The following ZFHX2 variants were observed in gnomAD, a reference collection of about 807,000 sequenced individuals.
The protein encoded by ZFHX2 is zinc finger homeobox 2.
A neutral mutation model predicts 164.8 loss-of-function variants in ZFHX2; 75 were observed. That is an observed-to-expected ratio of 0.46 (90% CI 0.38 to 0.55). The LOEUF is 0.55. Ranked by LOEUF, ZFHX2 falls within the 20% of genes least tolerant of loss-of-function variation. The pLI is 0.00. For missense variants in ZFHX2, 2,933 were observed against 3,308.0 expected (o/e 0.89, Z 2.78); for synonymous variants, 1,217 against 1,351.4 (o/e 0.90, Z 2.18).
At position 23,532,782 on chromosome 14, in the gene ZFHX2, G is replaced by C; in HGVS notation, c.2344C>G (p.His782Asp). 1 of 1,536,406 alleles carries C rather than the reference G, an allele frequency of 6.5e-7. No homozygotes were observed. Among genetic ancestry groups the C allele is most frequent in the East Asian group, 2.4e-5 (1 of 40,926 alleles). ...NFQLHLKTDKHAQKYQLAAHL... is the reference protein window; with the variant it reads ...NFQLHLKTDKDAQKYQLAAHL... ...GCTGCCAGCTGGTACTTCTGAGCAT[G>C]TTTGTCAGTCTTGAGGTGGAGTTGG... The change falls in exon 3 of 10, where the codon CAT becomes GAT. Residue 782 changes from histidine to aspartate, a missense_variant. Transcript: ENST00000419474.
intron 5 of ZFHX2, 37 bp from the exon 6 acceptor site, chr14:23,529,805 C>G: frequency 6.5e-7 from 1 of 1,528,000 alleles, no homozygotes; most frequent in Non-Finnish European, 8.8e-7. Flanking sequence ...GGAACCCTGA[C>G]AGCCCTCAAG....
In ZFHX2 at chr14:23,525,923, A is replaced by G. The variant is rs1436926300; in HGVS notation, c.4019T>C (p.Phe1340Ser). The G allele has an allele frequency of 2.0e-6, 3 of 1,473,972 alleles. No individual in the cohort carries two copies. 91.3% of individuals were successfully genotyped at this position (1,473,972 alleles called of 1,614,324 possible). Residue 1340 changes from phenylalanine (F) to serine (S), a missense_variant, in exon 9 of 10, where the codon TTC (phenylalanine) becomes TCC (serine). By Grantham distance (155) the Phe-to-Ser change is radical. Coordinates refer to ENST00000419474, the MANE Select transcript of ZFHX2 (RefSeq NM_033400.3). This position sits in a 1 kb window ranked among gnomAD's most constrained non-coding sequence, Gnocchi z 5.9. Reference protein sequence around the residue: ...LDLHRFPAPLFTPPVLPPFPL... With the variant: ...LDLHRFPAPLSTPPVLPPFPL... ...GAAGGGGGGCAGGACTGGTGGGGTGAAGAGAGGGGCTGGGAATCGGTGCAG... is the reference window on the plus strand; with the variant it reads ...GAAGGGGGGCAGGACTGGTGGGGTGGAGAGAGGGGCTGGGAATCGGTGCAG...
In ZFHX2 at chr14:23,520,925, C is replaced by T. The variant is rs181413959; in HGVS notation, c.*1037G>A. The T allele has an allele frequency of 6.7e-6, 1 of 149,132 alleles. No homozygotes were observed. The highest frequency in any genetic ancestry group is 6.6e-5 in the Admixed American group (1 of 15,040). 9.2% of individuals were successfully genotyped at this position (149,132 alleles called of 1,614,324 possible). A position where few individuals can be genotyped will look rare whatever the true frequency, so the allele number is the denominator to read the frequency against. ...AGTTTACGTTTTTCTTTAGTTCATT[C>T]CTCTGGTGTCCGTTTCTCTCTTTTG... On this transcript the variant is annotated 3_prime_UTR_variant, in exon 10 of 10. Coordinates refer to ENST00000419474, the MANE Select transcript of ZFHX2 (RefSeq NM_033400.3). This position sits in a 1 kb window ranked among gnomAD's most constrained non-coding sequence, Gnocchi z 8.7.
chr14:23,541,196 G>A (rs1939962368), intron 1 of ZFHX2, among the ~76,000 whole-genome samples: 2 of 150,584 alleles, frequency 1.3e-5, no homozygotes, highest in African/African-American at 4.9e-5. Context: ...GTGAGCCACT[G>A]CGCCCGGCCT....
At chr14:23,543,373 A>G (rs1349679020) in intron 1 of ZFHX2, 4 of 152,382 alleles carry the variant, frequency 2.6e-5, no homozygotes, top group South Asian at 2.1e-4. Flanking sequence ...GCCTGATGTC[A>G]GTACCTCTGC....
chr14:23,527,845 G>T (rs1425172938), intron 6 of ZFHX2, 41 bp from the exon 7 acceptor site: 2 of 1,513,852 alleles, frequency 1.3e-6, no homozygotes, highest in South Asian at 2.4e-5. Context: ...TGTCAGGGAA[G>T]GATGGGACCC....
chr14:23,530,276 G>T, intron 4 of ZFHX2, 82 bp from the exon 5 acceptor site: 1 of 1,101,260 alleles, frequency 9.1e-7, no homozygotes, highest in South Asian at 1.3e-5. Flanking sequence ...AGCAGGACAA[G>T]CAGCCAGTCA....
At chr14:23,527,841 G>C (rs771800356) in intron 6 of ZFHX2, 37 bp from the exon 7 acceptor site, 242 of 1,527,276 alleles carry the variant, frequency 1.6e-4, no homozygotes, top group Non-Finnish European at 2.1e-4. Flanking sequence ...GAAGTGTCAG[G>C]GAAGGATGGG....
At chr14:23,538,562 A>T (rs1252026061) in intron 1 of ZFHX2, among the ~76,000 whole-genome samples, 1 of 151,934 alleles carries the variant, frequency 6.6e-6, no homozygotes, top group East Asian at 1.9e-4. Context: ...CACCCCCAAG[A>T]CCAAGATTCT....
At position 23,521,895 on chromosome 14, in the gene ZFHX2, C is replaced by T. The variant is rs894002884; in HGVS notation, c.*67G>A. 113 of 1,521,576 alleles carry T rather than the reference C, an allele frequency of 7.4e-5. No individual in the cohort carries two copies. The highest frequency in any genetic ancestry group is 9.7e-5 in the Non-Finnish European group (111 of 1,140,344). 94.3% of individuals were successfully genotyped at this position (1,521,576 alleles called of 1,614,324 possible). A position where few individuals can be genotyped will look rare whatever the true frequency, so the allele number is the denominator to read the frequency against. Reference sequence around the variant, plus strand: ...TGGGGTGAGGGATTTGAGCTCCCACCGAACACCCCTTGGGGTAAAAGAGGG... The same window carrying T: ...TGGGGTGAGGGATTTGAGCTCCCACTGAACACCCCTTGGGGTAAAAGAGGG... On this transcript the variant is annotated 3_prime_UTR_variant, in exon 10 of 10. Transcript: ENST00000419474.
chr14:23,523,725 T>C lies in ZFHX2; in HGVS notation c.6217A>G (p.Ser2073Gly), dbSNP rs1878341775. The C allele has an allele frequency of 2.6e-6, 4 of 1,536,358 alleles. No individual in the cohort carries two copies. The highest frequency in any genetic ancestry group is 3.5e-6 in the Non-Finnish European group (4 of 1,146,954). Reference protein sequence around the residue: ...MGQRRYRTQMSSLQLKIMKAC... With the variant: ...MGQRRYRTQMGSLQLKIMKAC... ...TTCATGATCTTCAGCTGCAGGCTGC[T>C]CATCTGGGTCCTGTAGCGCCGCTGC... The change falls in exon 9 of 10, where the codon AGC becomes GGC. Residue 2073 changes from serine to glycine, a missense_variant. Coordinates refer to ENST00000419474, the MANE Select transcript of ZFHX2 (RefSeq NM_033400.3). The surrounding 1 kb of genome is among the most constrained non-coding windows in gnomAD (Gnocchi z 4.1).
chr14:23,554,918 A>G (rs1012912760), upstream of ZFHX2, among the ~76,000 whole-genome samples: 16 of 152,264 alleles, frequency 1.1e-4, no homozygotes, highest in Middle Eastern at 6.8e-3. Context: ...AGAGGGAGTA[A>G]GAAGGAATCA....
At chr14:23,553,280 G>A (rs1882106080), upstream of ZFHX2, among the ~76,000 whole-genome samples, 1 of 152,168 alleles carries the variant, frequency 6.6e-6, no homozygotes, top group Admixed American at 6.5e-5. Flanking sequence ...AGGTAACTGT[G>A]AGGCAGGCCA....
At position 23,526,875 on chromosome 14, in the gene ZFHX2, C is replaced by T. The variant is rs1207219022; in HGVS notation, c.3234G>A (p.Glu1078=). ...NGQEPPTHGP[E]PTPSRDQAAE... Reference sequence around the variant, plus strand: ...CTGCCTGGTCTCTGCTCGGTGTAGGCTCTGGCCCATGAGTGGGGGGTTCTT... The same window carrying T: ...CTGCCTGGTCTCTGCTCGGTGTAGGTTCTGGCCCATGAGTGGGGGGTTCTT... Residue 1078 remains glutamate (E), a synonymous_variant, in exon 8 of 10, where the codon GAG becomes GAA. Coordinates refer to ENST00000419474, the MANE Select transcript of ZFHX2 (RefSeq NM_033400.3). 3.3e-6 allele frequency: 5 copies of T among 1,533,986 alleles called. No individual in the cohort carries two copies. The Admixed American group carries it at 7.9e-5, about 24-fold the overall frequency.
Position 23,535,901 on chromosome 14 carries a change from T to C in ZFHX2, c.-49-527A>G, listed in dbSNP as rs754878967. Among the ~76,000 whole-genome samples the C allele has an allele frequency of 4.7e-4, 72 of 152,266 alleles. No individual in the cohort carries two copies. Among genetic ancestry groups the C allele is most frequent in the Non-Finnish European group, 9.3e-4 (63 of 68,018 alleles). ...GCCACCGCGCCCAGCCTAGAACTCT[T>C]TATTTGTCCCCTGAACCTGCTCCTC... On this transcript the variant is annotated intron_variant, in intron 1 of 9. Coordinates refer to ENST00000419474, the MANE Select transcript of ZFHX2 (RefSeq NM_033400.3). The surrounding 1 kb of genome is among the most constrained non-coding windows in gnomAD (Gnocchi z 4.5).
chr14:23,552,071 G>A (rs1339015461), upstream of ZFHX2, among the ~76,000 whole-genome samples: 1 of 152,032 alleles, frequency 6.6e-6, no homozygotes, highest in South Asian at 2.1e-4. Context: ...GCCGCCCAAG[G>A]CCTCCTTTTT....
At chr14:23,548,783 C>G (rs772789823) in intron 1 of ZFHX2, among the ~76,000 whole-genome samples, 6 of 152,180 alleles carry the variant, frequency 3.9e-5, no homozygotes, top group Non-Finnish European at 8.8e-5. Flanking sequence ...GGGCATTTCT[C>G]TCTTCTGGGG....
rs1212330069 is a variant in ZFHX2, at chr14:23,522,067, G to A, written c.7614C>T (p.Ala2538=). The change falls in exon 10 of 10, where the codon GCC becomes GCT. Residue 2538 remains alanine (A), a synonymous_variant. Transcript: ENST00000419474. The stretch of plus-strand genomic sequence containing the variant: ...AAGCCACAGCAGCCGAGGCAGCAGT[G>A]GCGGCGTTGGTGATGGAGATGGGTG... The part of the protein sequence containing the change: ...GGPPISITNA[A]TAASAAVAFA... The A allele has an allele frequency of 2.6e-6, 4 of 1,536,264 alleles. No homozygotes were observed. In the African/African-American group the frequency reaches 4.1e-5, roughly 16 times the overall value.
rs1335375709 is a variant in ZFHX2, at chr14:23,533,494, C to A, written c.1832G>T (p.Gly611Val). 4 of 1,535,904 alleles carry A rather than the reference C, an allele frequency of 2.6e-6. No homozygotes were observed. In the East Asian group the frequency reaches 9.8e-5, roughly 38 times the overall value. The change falls in exon 2 of 10, where the codon GGA (glycine) becomes GTA (valine). Residue 611 changes from glycine (G) to valine (V), a missense_variant. Coordinates refer to ENST00000419474, the MANE Select transcript of ZFHX2 (RefSeq NM_033400.3). This position sits in a 1 kb window ranked among gnomAD's most constrained non-coding sequence, Gnocchi z 4.8. Reference sequence around the variant, plus strand: ...GGGAGGAGGGCCTGGCCCCATCAATCCAGGTGGCAGGCCCAGCGGCAGCCC... The same window carrying A: ...GGGAGGAGGGCCTGGCCCCATCAATACAGGTGGCAGGCCCAGCGGCAGCCC... ...HQGLPLGLPP[G>V]LMGPGPPPPP...
Sources: gnomAD v4.1 joint callset for allele counts (sites outside exome capture counted in the v4.1 genomes callset) on GRCh38, gnomAD v4.1.1 for gene constraint, Gnocchi (gnomAD v3.1) non-coding constraint, MANE v1.5 for transcripts, NCBI Gene and HGNC (gene_info 2026-07-23, HGNC 2026-07-21) for gene names.